Variants in ZNF564 observed in about 807,000 individuals in gnomAD.
ZNF564 encodes the protein zinc finger protein 564.
Under a neutral mutation model 10.5 loss-of-function variants are expected in ZNF564, and 5 were observed. The ratio of observed to expected loss-of-function variants is 0.48; its 90% CI spans 0.25 to 1.00. ZNF564 has a LOEUF of 1.00. Among genes scored for constraint, ZNF564 ranks in the 50% least tolerant of loss-of-function variants. The pLI, the probability that ZNF564 is intolerant of heterozygous loss-of-function variation, is 0.16. For missense variants in ZNF564, 603 were observed against 669.7 expected (o/e 0.90, Z 1.10); for synonymous variants, 242 against 218.1 (o/e 1.11, Z -0.97).
intron 1 of ZNF564, among the ~76,000 whole-genome samples, chr19:12,538,270 C>T (rs572990737): frequency 5.7e-4 from 87 of 151,830 alleles, no homozygotes; most frequent in African/African-American, 2.0e-3. Context: ...AGGAGGACTG[C>T]TTAATGCCAA....
chr19:12,532,408 G>A (rs909118711), intron 1 of ZNF564, among the ~76,000 whole-genome samples: 6 of 150,350 alleles, frequency 4.0e-5, no homozygotes, highest in South Asian at 2.1e-4. Context: ...GGTAGCAGGC[G>A]CCTGTAGTCC....
chr19:12,535,241 C>T (rs1188508439), intron 1 of ZNF564, among the ~76,000 whole-genome samples: 1 of 151,936 alleles, frequency 6.6e-6, no homozygotes, highest in Non-Finnish European at 1.5e-5. Flanking sequence ...GGCATGGTGG[C>T]GGACACCTGT....
chr19:12,527,893 C>G lies in ZNF564; in HGVS notation c.215G>C (p.Ser72Thr). 6.2e-7 allele frequency: 1 copy of G among 1,606,244 alleles called. No individual in the cohort carries two copies. Among genetic ancestry groups the G allele is most frequent in the East Asian group, 2.2e-5 (1 of 44,788 alleles). ...ACATTGATCATATTCTTTACTTTCA[C>G]TGAGTCCCTCTTCCATATGATTTCT... ...ILRNHMEEGL[S>T]ESKEYDQCGE... The change falls in exon 4 of 4, where the codon AGT becomes ACT. Residue 72 changes from serine (S) to threonine (T), a missense_variant. Physicochemically the swap from Ser to Thr is moderately conservative, Grantham distance 58 (BLOSUM62 1). Transcript: ENST00000339282.
chr19:12,542,157 A>G (rs2145088441), intron 1 of ZNF564, among the ~76,000 whole-genome samples: 1 of 151,770 alleles, frequency 6.6e-6, no homozygotes, highest in East Asian at 1.9e-4. Flanking sequence ...AAAAATACAA[A>G]AATTAGCCGG....
In ZNF564 at chr19:12,551,411, C is replaced by A; in HGVS notation, c.-79G>T. ...GCAGGTCCCAGCGCGCCAGACGCTG[C>A]GGTGGAGCCACCGGGGCCACTGGAG... is the stretch of plus-strand genomic sequence containing the variant. On this transcript the variant is annotated 5_prime_UTR_variant, in exon 1 of 4. Transcript: ENST00000339282. The A allele has an allele frequency of 6.8e-7, 1 of 1,480,334 alleles. No homozygotes were observed. Among genetic ancestry groups the A allele is most frequent in the Non-Finnish European group, 9.0e-7 (1 of 1,110,722 alleles). 91.7% of individuals were successfully genotyped at this position (1,480,334 alleles called of 1,614,324 possible).
intron 1 of ZNF564, among the ~76,000 whole-genome samples, chr19:12,545,130 C>T (rs968450264): frequency 1.3e-5 from 2 of 151,936 alleles, no homozygotes; most frequent in Admixed American, 1.3e-4. Context: ...GGCGTGGTGG[C>T]GCATGCCTAT....
chr19:12,551,251 G>C (rs1483894163), intron 1 of ZNF564, 79 bp downstream of exon 1: 4 of 1,501,780 alleles, frequency 2.7e-6, no homozygotes, highest in Non-Finnish European at 3.6e-6. Context: ...AGGGAGGCCA[G>C]GGTGCTTCCA....
intron 1 of ZNF564, among the ~76,000 whole-genome samples, chr19:12,532,336 C>G (rs944123581): frequency 6.6e-6 from 1 of 151,152 alleles, no homozygotes; most frequent in African/African-American, 2.4e-5. Context: ...GAGATTGAGA[C>G]CATCCTGGCT....
intron 1 of ZNF564, 81 bp from the exon 2 acceptor site, chr19:12,528,777 C>T: frequency 6.7e-7 from 1 of 1,481,980 alleles, no homozygotes; most frequent in Non-Finnish European, 9.1e-7. Context: ...TAAAAGTTCA[C>T]AAATGGCTAG....
At chr19:12,538,237 C>G (rs2021957408) in intron 1 of ZNF564, among the ~76,000 whole-genome samples, 1 of 151,786 alleles carries the variant, frequency 6.6e-6, no homozygotes, top group African/African-American at 2.4e-5. Context: ...ACCTGTAATC[C>G]TAACACTTTA....
At chr19:12,543,919 A>T (rs2022106308) in intron 1 of ZNF564, among the ~76,000 whole-genome samples, 1 of 152,098 alleles carries the variant, frequency 6.6e-6, no homozygotes, top group African/African-American at 2.4e-5. Flanking sequence ...TTTAGAAGAA[A>T]TGACAGGAGA....
chr19:12,527,541 A>G lies in ZNF564; in HGVS notation c.567T>C (p.Ile189=), dbSNP rs959169764. The G allele has an allele frequency of 6.2e-7, 1 of 1,613,246 alleles. No homozygotes were observed. The highest frequency in any genetic ancestry group is 1.3e-5 in the African/African-American group (1 of 74,718). ...ISLPSVRRHM[I]KHTGDGPYKC... ...TATATGGTCCATCTCCAGTGTGCTT[A>G]ATCATGTGTCTTCGAACACTTGGGA... Residue 189 remains isoleucine (I), a synonymous_variant, in exon 4 of 4, where the codon ATT becomes ATC. Transcript: ENST00000339282.
At chr19:12,533,057 A>G (rs1479877855) in intron 1 of ZNF564, 1 of 152,190 alleles carries the variant, frequency 6.6e-6, no homozygotes, top group Non-Finnish European at 1.5e-5. Flanking sequence ...AACAATAGCA[A>G]AACACAAATT....
At chr19:12,527,950 G>T in intron 3 of ZNF564, 34 bp from the exon 4 acceptor site, 1 of 1,544,204 alleles carries the variant, frequency 6.5e-7, no homozygotes. Flanking sequence ...TTAGTGGTTT[G>T]TGACTTTATA....
At position 12,526,258 on chromosome 19, in the gene ZNF564, C is replaced by T. The variant is rs2021678128; in HGVS notation, c.*188G>A. 7.2e-6 allele frequency: 4 copies of T among 555,208 alleles called. No individual in the cohort carries two copies. The highest frequency in any genetic ancestry group is 9.1e-6 in the Non-Finnish European group (3 of 329,342). 34.4% of individuals were successfully genotyped at this position (555,208 alleles called of 1,614,324 possible). A position where few individuals can be genotyped will look rare whatever the true frequency, so the allele number is the denominator to read the frequency against. ...CTGAGGCAAAATTCTTCTTCAGCTC[C>T]GAACCGGTGAAAACCAAACTAGTCA... is the stretch of plus-strand genomic sequence containing the variant. On this transcript the variant is annotated 3_prime_UTR_variant, in exon 4 of 4. Transcript: ENST00000339282.
intron 1 of ZNF564, among the ~76,000 whole-genome samples, chr19:12,532,258 G>T (rs990320855): frequency 6.6e-6 from 1 of 151,268 alleles, no homozygotes; most frequent in Non-Finnish European, 1.5e-5. Context: ...TTTTTTGGCC[G>T]GGCGCGGTGG....
chr19:12,545,497 G>C (rs2022134646), intron 1 of ZNF564, among the ~76,000 whole-genome samples: 1 of 152,042 alleles, frequency 6.6e-6, no homozygotes, highest in Non-Finnish European at 1.5e-5. Context: ...ACACCACTCA[G>C]AATTAGGACA....
intron 1 of ZNF564, among the ~76,000 whole-genome samples, chr19:12,537,708 C>T (rs1174020999): frequency 4.1e-5 from 6 of 146,032 alleles, no homozygotes; most frequent in African/African-American, 1.0e-4. Context: ...ATTGCACTCC[C>T]GCCTGGGCAA....
At position 12,527,512 on chromosome 19, in the gene ZNF564, C is replaced by T. The variant is rs745588698; in HGVS notation, c.596G>A (p.Cys199Tyr). 3 of 1,614,096 alleles carry T rather than the reference C, an allele frequency of 1.9e-6. No individual in the cohort carries two copies. Among genetic ancestry groups the T allele is most frequent in the Admixed American group, 1.7e-5 (1 of 60,010 alleles). ...IKHTGDGPYK[C>Y]QECGKAFDRP... Reference sequence around the variant, plus strand: ...ATCAAAGGCTTTCCCACATTCCTGACATTTATATGGTCCATCTCCAGTGTG... The same window carrying T: ...ATCAAAGGCTTTCCCACATTCCTGATATTTATATGGTCCATCTCCAGTGTG... The change falls in exon 4 of 4, where the codon TGT becomes TAT. Residue 199 changes from cysteine to tyrosine, a missense_variant. Coordinates refer to ENST00000339282, the MANE Select transcript of ZNF564 (RefSeq NM_144976.4).
Sources: gnomAD v4.1 joint callset for allele counts (sites outside exome capture counted in the v4.1 genomes callset) on GRCh38, gnomAD v4.1.1 for gene constraint, MANE v1.5 for transcripts, NCBI Gene and HGNC (gene_info 2026-07-23, HGNC 2026-07-21) for gene names.